The following TRIB1 variants were observed in gnomAD, a reference collection of about 807,000 sequenced individuals.
TRIB1 encodes the protein tribbles pseudokinase 1.
Under a neutral mutation model 27.8 loss-of-function variants are expected in TRIB1, and 12 were observed. The ratio of observed to expected loss-of-function variants is 0.43; its 90% CI spans 0.28 to 0.70. The LOEUF (loss-of-function observed/expected upper bound fraction) is 0.70. Ranked by LOEUF, TRIB1 falls within the 30% of genes least tolerant of loss-of-function variation. The probability of loss-of-function intolerance (pLI) is 0.18; values close to 1 mark genes in which losing one functional copy is unlikely to be tolerated. For synonymous variants in TRIB1, 230 were observed against 224.9 expected (o/e 1.02, Z -0.20); for missense variants, 475 against 515.8 (o/e 0.92, Z 0.77).
intron 1 of TRIB1, among the ~76,000 whole-genome samples, chr8:125,431,975 T>A (rs1312601054): frequency 6.6e-6 from 1 of 152,092 alleles, no homozygotes. Flanking sequence ...GAGACACAGC[T>A]CCTAGAAACA....
intron 2 of TRIB1, 150 bp from the exon 3 acceptor site, chr8:125,435,855 CG>C: frequency 1.5e-6 from 1 of 654,138 alleles, no homozygotes; most frequent in Admixed American, 2.9e-5. Context: ...CAGGAGCCCT[CG>C]GTAGTTGCAG....
rs746804477 is a variant in TRIB1, at chr8:125,436,033, A to C, written c.681A>C (p.Glu227Asp). The C allele has an allele frequency of 1.4e-5, 22 of 1,614,162 alleles. No homozygotes were observed. In the Admixed American group the frequency reaches 3.7e-4, roughly 27 times the overall value. ...ERTQLRLESLEDTHIMKGEDD... is the reference protein window; with the variant it reads ...ERTQLRLESLDDTHIMKGEDD... ...CCCAGCTTAGACTAGAAAGTCTAGA[A>C]GACACACACATAATGAAGGGGGAAG... is the stretch of plus-strand genomic sequence containing the variant. The change falls in exon 3 of 3, where the codon GAA becomes GAC. Residue 227 changes from glutamate to aspartate, a missense_variant. Coordinates refer to ENST00000311922, the MANE Select transcript of TRIB1 (RefSeq NM_025195.4).
Position 125,431,270 on chromosome 8 carries a change from C to A in TRIB1, c.360+8C>A. On this transcript the variant is annotated splice_region_variant and intron_variant, in intron 1 of 2. Transcript: ENST00000311922. Reference sequence around the variant, plus strand: ...CGCGAGCTGCGCTGCAAGGTAGGCGCTCCCGGGCCAGGACCCGGCTGGGGT... The same window carrying A: ...CGCGAGCTGCGCTGCAAGGTAGGCGATCCCGGGCCAGGACCCGGCTGGGGT... 1 of 1,255,550 alleles carries A rather than the reference C, an allele frequency of 8.0e-7. No homozygotes were observed. The highest frequency in any genetic ancestry group is 3.1e-5 in the East Asian group (1 of 32,244). 77.8% of individuals were successfully genotyped at this position (1,255,550 alleles called of 1,614,324 possible).
intron 2 of TRIB1, among the ~76,000 whole-genome samples, chr8:125,435,124 G>T (rs988896774): frequency 1.3e-5 from 2 of 152,064 alleles, no homozygotes; most frequent in Non-Finnish European, 2.9e-5. Flanking sequence ...TTGGGTGGCT[G>T]GTTCTGAATA....
At position 125,431,087 on chromosome 8, in the gene TRIB1, C is replaced by A; in HGVS notation, c.185C>A (p.Pro62His). The A allele has an allele frequency of 7.2e-7, 1 of 1,389,282 alleles. No homozygotes were observed. The highest frequency in any genetic ancestry group is 3.1e-5 in the East Asian group (1 of 32,576). 86.1% of individuals were successfully genotyped at this position (1,389,282 alleles called of 1,614,324 possible). A position where few individuals can be genotyped will look rare whatever the true frequency, so the allele number is the denominator to read the frequency against. ...TCCAGCCCCCCGGACTACCTCAGCC[C>A]CCCCGGCTCGCCCTGCAGCCCGCAG... ...ECSSPPDYLSPPGSPCSPQPP... is the reference protein window; with the variant it reads ...ECSSPPDYLSHPGSPCSPQPP... Residue 62 changes from proline to histidine, a missense_variant, in exon 1 of 3, where the codon CCC becomes CAC. Pro to His is a moderately conservative substitution (Grantham distance 77). Coordinates refer to ENST00000311922, the MANE Select transcript of TRIB1 (RefSeq NM_025195.4).
rs570302999 is a variant in TRIB1 at position 125,433,940 on chromosome 8, GA to G, written c.653+332del. On this transcript the variant is annotated intron_variant, in intron 2 of 2. Coordinates refer to ENST00000311922, the MANE Select transcript of TRIB1 (RefSeq NM_025195.4). This position sits in a 1 kb window ranked among gnomAD's most constrained non-coding sequence, Gnocchi z 4.4. ...GTACAAATATTAAACTGCCCTTTAC[GA>G]TATTGCCTTCTGAAGGAAGTGTTCA... 8.0e-4 allele frequency among the ~76,000 whole-genome samples: 122 copies of G among 152,284 alleles called. No homozygotes were observed. The highest frequency in any genetic ancestry group is 3.4e-3 in the Middle Eastern group (1 of 294).
Position 125,430,933 on chromosome 8 carries a change from A to T in TRIB1, c.31A>T (p.Ser11Cys). MRVGPVRSAMSGASQPRGPAL... is the reference protein window; with the variant it reads MRVGPVRSAMCGASQPRGPAL... ...GGTCGGTCCGGTGCGCTCTGCCATG[A>T]GCGGCGCCTCGCAGCCCCGCGGCCC... is the stretch of plus-strand genomic sequence containing the variant. The change falls in exon 1 of 3, where the codon AGC (serine) becomes TGC (cysteine). Residue 11 changes from serine (S) to cysteine (C), a missense_variant. By Grantham distance (112) the Ser-to-Cys change is moderately radical (BLOSUM62 -1). Coordinates refer to ENST00000311922, the MANE Select transcript of TRIB1 (RefSeq NM_025195.4). 6.8e-7 allele frequency: 1 copy of T among 1,468,430 alleles called. No homozygotes were observed. The highest frequency in any genetic ancestry group is 8.9e-7 in the Non-Finnish European group (1 of 1,117,462). 91.0% of individuals were successfully genotyped at this position (1,468,430 alleles called of 1,614,324 possible).
In TRIB1 at chr8:125,430,888, C is replaced by T; in HGVS notation, c.-15C>T. The T allele has an allele frequency of 7.1e-7, 1 of 1,401,688 alleles. No individual in the cohort carries two copies. The highest frequency in any genetic ancestry group is 9.2e-7 in the Non-Finnish European group (1 of 1,085,062). 86.8% of individuals were successfully genotyped at this position (1,401,688 alleles called of 1,614,324 possible). On this transcript the variant is annotated 5_prime_UTR_variant, in exon 1 of 3. Transcript: ENST00000311922. ...CGGGACTTAAAAAGCCGGGGCCACC[C>T]CGGCCCAGGACGGGATGCGGGTCGG...
Position 125,436,188 on chromosome 8 carries a change from T to A in TRIB1, c.836T>A (p.Val279Asp). 3 of 1,614,160 alleles carry A rather than the reference T, an allele frequency of 1.9e-6. No individual in the cohort carries two copies. Among genetic ancestry groups the A allele is most frequent in the Non-Finnish European group, 2.5e-6 (3 of 1,180,022 alleles). Residue 279 changes from valine (V) to aspartate (D), a missense_variant, in exon 3 of 3, where the codon GTT (valine) becomes GAT (aspartate). Transcript: ENST00000311922. ...GGGGTGATGCTCTACACCCTTCTGG[T>A]TGGACGATACCCCTTCCATGACTCA... ...SLGVMLYTLL[V>D]GRYPFHDSDP... is the part of the protein sequence containing the mutation.
At position 125,431,217 on chromosome 8, in the gene TRIB1, G is replaced by A. The variant is rs755030380; in HGVS notation, c.315G>A (p.Val105=). 5.5e-6 allele frequency: 7 copies of A among 1,280,038 alleles called. No individual in the cohort carries two copies. Among genetic ancestry groups the A allele is most frequent in the Non-Finnish European group, 6.9e-6 (7 of 1,015,038 alleles). 79.3% of individuals were successfully genotyped at this position (1,280,038 alleles called of 1,614,324 possible). Residue 105 remains valine, a synonymous_variant, in exon 1 of 3, where the codon GTG becomes GTA. Coordinates refer to ENST00000311922, the MANE Select transcript of TRIB1 (RefSeq NM_025195.4). ...LLLPLAEREH[V]SRALCIHTGR... is the part of the protein sequence containing the mutation. ...TGCCCCTAGCCGAGCGCGAGCATGTGTCCCGGGCGCTGTGCATCCACACTG... is the reference window on the plus strand; with the variant it reads ...TGCCCCTAGCCGAGCGCGAGCATGTATCCCGGGCGCTGTGCATCCACACTG...
At position 125,430,572 on chromosome 8, in the gene TRIB1, C is replaced by T. The variant is rs72647328; in HGVS notation, c.-331C>T. ...GGACCCCGGGATCGCTGACCGCTGC[C>T]GCCGCCGCCTCTGCCTCCCGGACTA... On this transcript the variant is annotated 5_prime_UTR_variant, in exon 1 of 3. Coordinates refer to ENST00000311922, the MANE Select transcript of TRIB1 (RefSeq NM_025195.4). The T allele has an allele frequency of 4.1e-6, 1 of 244,118 alleles. No homozygotes were observed. The highest frequency in any genetic ancestry group is 7.9e-6 in the Non-Finnish European group (1 of 126,524). 15.1% of individuals were successfully genotyped at this position (244,118 alleles called of 1,614,324 possible).
rs537433146 is a variant in TRIB1, at chr8:125,430,989, C to T, written c.87C>T (p.Val29=). The T allele has an allele frequency of 2.7e-6, 4 of 1,467,454 alleles. No individual in the cohort carries two copies. The highest frequency in any genetic ancestry group is 6.0e-5 in the East Asian group (2 of 33,348). 90.9% of individuals were successfully genotyped at this position (1,467,454 alleles called of 1,614,324 possible). The stretch of plus-strand genomic sequence containing the variant: ...TGCTCTTCCCAGCCACCCGAGGCGT[C>T]CCGGCCAAACGCCTGCTGGACGCCG... ...PALLFPATRG[V]PAKRLLDADD... The change falls in exon 1 of 3, where the codon GTC becomes GTT. Residue 29 remains valine, a synonymous_variant. Transcript: ENST00000311922.
Position 125,436,108 on chromosome 8 carries a change from G to T in TRIB1, c.756G>T (p.Glu252Asp), listed in dbSNP as rs1563825172. 6.2e-7 allele frequency: 1 copy of T among 1,614,164 alleles called. No individual in the cohort carries two copies. The highest frequency in any genetic ancestry group is 1.7e-5 in the Admixed American group (1 of 60,028). ...GCTGCCCAGCCTACGTGAGCCCTGA[G>T]ATCCTCAACACCACTGGGACCTACT... ...KHGCPAYVSP[E>D]ILNTTGTYSG... Residue 252 changes from glutamate (E) to aspartate (D), a missense_variant, in exon 3 of 3, where the codon GAG becomes GAT. Glu to Asp is a conservative substitution (Grantham distance 45). Coordinates refer to ENST00000311922, the MANE Select transcript of TRIB1 (RefSeq NM_025195.4).
In TRIB1 at chr8:125,433,105, G is replaced by C; in HGVS notation, c.361-212G>C. On this transcript the variant is annotated intron_variant, in intron 1 of 2. Transcript: ENST00000311922. This position sits in a 1 kb window ranked among gnomAD's most constrained non-coding sequence, Gnocchi z 4.4. ...AAAGCGGGTAACCCTTTGGGTATTTGCAAGTCTAGAGCTTTAGGTGTTACT... is the reference window on the plus strand; with the variant it reads ...AAAGCGGGTAACCCTTTGGGTATTTCCAAGTCTAGAGCTTTAGGTGTTACT... The C allele has an allele frequency of 1.7e-6, 1 of 581,476 alleles. No individual in the cohort carries two copies. Among genetic ancestry groups the C allele is most frequent in the Non-Finnish European group, 3.1e-6 (1 of 325,908 alleles). 36.0% of individuals were successfully genotyped at this position (581,476 alleles called of 1,614,324 possible).
rs768800833 is a variant in TRIB1, at chr8:125,436,216, C to T, written c.864C>T (p.Asp288=). The T allele has an allele frequency of 4.3e-6, 7 of 1,614,138 alleles. No homozygotes were observed. In the South Asian group the frequency reaches 4.4e-5, roughly 10 times the overall value. Residue 288 remains aspartate (D), a synonymous_variant, in exon 3 of 3, where the codon GAC becomes GAT. Transcript: ENST00000311922. ...GACGATACCCCTTCCATGACTCAGA[C>T]CCCAGTGCCCTTTTCTCCAAAATTC... The part of the protein sequence containing the change: ...LVGRYPFHDS[D]PSALFSKIRR...
chr8:125,435,469 A>C (rs1286794475), intron 2 of TRIB1, among the ~76,000 whole-genome samples: 3 of 152,170 alleles, frequency 2.0e-5, no homozygotes, highest in Non-Finnish European at 4.4e-5. Context: ...GTGTGCATGT[A>C]TCAGTGTGGG....
chr8:125,434,645 C>T (rs1814718528), intron 2 of TRIB1, among the ~76,000 whole-genome samples: 2 of 152,186 alleles, frequency 1.3e-5, no homozygotes, highest in Admixed American at 1.3e-4. Flanking sequence ...GCCTTACACA[C>T]CTCCTTACTA....
In TRIB1 at chr8:125,436,315, G is replaced by A. The variant is rs1563825305; in HGVS notation, c.963G>A (p.Arg321=). 1 of 1,613,804 alleles carries A rather than the reference G, an allele frequency of 6.2e-7. No individual in the cohort carries two copies. The highest frequency in any genetic ancestry group is 8.5e-7 in the Non-Finnish European group (1 of 1,179,986). ...GCCTCATTCGCAGCCTCTTGAGACG[G>A]GAGCCCTCCGAGAGACTCACTGCCC... is the stretch of plus-strand genomic sequence containing the variant. ...ARCLIRSLLR[R]EPSERLTAPE... is the part of the protein sequence containing the mutation. The change falls in exon 3 of 3, where the codon CGG becomes CGA. Residue 321 remains arginine (R), a synonymous_variant. Coordinates refer to ENST00000311922, the MANE Select transcript of TRIB1 (RefSeq NM_025195.4).
At chr8:125,435,447 A>T in intron 2 of TRIB1, among the ~76,000 whole-genome samples, 1 of 152,178 alleles carries the variant, frequency 6.6e-6, no homozygotes, top group East Asian at 1.9e-4. Context: ...CCAGGAGGAC[A>T]AAGTTTGCTC....
Sources: gnomAD v4.1 joint callset for allele counts (sites outside exome capture counted in the v4.1 genomes callset) on GRCh38, gnomAD v4.1.1 for gene constraint, Gnocchi (gnomAD v3.1) non-coding constraint, MANE v1.5 for transcripts, NCBI Gene and HGNC (gene_info 2026-07-23, HGNC 2026-07-21) for gene names.